Variants in ABTB2 observed in about 807,000 individuals in gnomAD.
ABTB2 encodes ankyrin repeat and BTB domain containing 2.
A neutral mutation model predicts 104.1 loss-of-function variants in ABTB2; 56 were observed. That is an observed-to-expected ratio of 0.54 (90% CI 0.43 to 0.67). ABTB2 has a LOEUF of 0.67. Ranked by LOEUF, ABTB2 falls within the 30% of genes least tolerant of loss-of-function variation. The probability of loss-of-function intolerance (pLI) is 0.00; values close to 1 mark genes in which losing one functional copy is unlikely to be tolerated. For synonymous variants in ABTB2, 606 were observed against 608.2 expected (o/e 1.00, Z 0.05); for missense variants, 1,279 against 1,407.7 (o/e 0.91, Z 1.46).
At chr11:34,292,051 A>G (rs915097693) in intron 1 of ABTB2, among the ~76,000 whole-genome samples, 22 of 152,204 alleles carry the variant, frequency 1.4e-4, no homozygotes, top group African/African-American at 5.3e-4. Context: ...ACCCTAGCCC[A>G]TATATTTTTG....
chr11:34,249,357 G>A (rs1345243568), intron 1 of ABTB2, among the ~76,000 whole-genome samples: 1 of 152,144 alleles, frequency 6.6e-6, no homozygotes, highest in African/African-American at 2.4e-5. Context: ...GGCAAGAAGT[G>A]GTGAAATAAT....
At chr11:34,155,036 G>A (rs547276962) in intron 14 of ABTB2, among the ~76,000 whole-genome samples, 25 of 152,306 alleles carry the variant, frequency 1.6e-4, no homozygotes, top group African/African-American at 5.1e-4. Flanking sequence ...ATGAGAACAC[G>A]GTGAGCCCAG....
Position 34,237,276 on chromosome 11 carries a change from C to CTTT in ABTB2, c.884-32589_884-32587dup, listed in dbSNP as rs561473313. ...TGTCCTCGTGATTTTCCTGGATATT[C>CTTT]TTTTTTTTTTTTTTTTTTTTTTTAG... On this transcript the variant is annotated intron_variant, in intron 1 of 16. Transcript: ENST00000435224. Among the ~76,000 whole-genome samples, 165 of 116,204 alleles carry CTTT rather than the reference C, an allele frequency of 1.4e-3. 2 individuals are homozygous for CTTT. The highest frequency in any genetic ancestry group is 4.9e-3 in the African/African-American group (144 of 29,418). 76.2% of individuals were successfully genotyped at this position (116,204 alleles called of 152,430 possible). A position where few individuals can be genotyped will look rare whatever the true frequency, so the allele number is the denominator to read the frequency against.
In ABTB2 at chr11:34,151,685, G is replaced by C. The variant is rs1233588981; in HGVS notation, c.*702C>G. The C allele has an allele frequency of 6.6e-6, 1 of 152,342 alleles. No homozygotes were observed. Among genetic ancestry groups the C allele is most frequent in the Admixed American group, 6.5e-5 (1 of 15,286 alleles). 9.4% of individuals were successfully genotyped at this position (152,342 alleles called of 1,614,324 possible). On this transcript the variant is annotated 3_prime_UTR_variant, in exon 17 of 17. Coordinates refer to ENST00000435224, the MANE Select transcript of ABTB2 (RefSeq NM_145804.3). ...CCAGACTTAGCTCAGAAACCATCAA[G>C]CTGGGGAACTGCCCTCTGCTGCTAA...
Position 34,204,451 on chromosome 11 carries a change from G to A in ABTB2, c.1030+93C>T, listed in dbSNP as rs1013478611. The A allele has an allele frequency of 9.9e-6, 14 of 1,407,720 alleles. No homozygotes were observed. In the African/African-American group the frequency reaches 2.0e-4, roughly 20 times the overall value. 87.2% of individuals were successfully genotyped at this position (1,407,720 alleles called of 1,614,324 possible). ...GGAGGAGGAGGAGGCCAGAGCACTT[G>A]GAGGAGGAGGAGGCGAGCTCTCCCT... On this transcript the variant is annotated intron_variant, in intron 2 of 16. Coordinates refer to ENST00000435224, the MANE Select transcript of ABTB2 (RefSeq NM_145804.3).
intron 1 of ABTB2, among the ~76,000 whole-genome samples, chr11:34,325,003 T>G (rs1855052399): frequency 6.6e-6 from 1 of 152,150 alleles, no homozygotes; most frequent in South Asian, 2.1e-4. Flanking sequence ...GTTGTTGAGG[T>G]TGCCTGGGCT....
chr11:34,204,672 G>T lies in ABTB2; in HGVS notation c.902C>A (p.Ala301Glu). Residue 301 changes from alanine (A) to glutamate (E), a missense_variant, in exon 2 of 17, where the codon GCA (alanine) becomes GAA (glutamate). Transcript: ENST00000435224. ...CCCGCCGTTGTAGGGGCTGAAGTAT[G>T]CGGGGAGGGAGAGGACACCTATGGG... ...KNANGVLSLPAYFSPYNGGSL... is the reference protein window; with the variant it reads ...KNANGVLSLPEYFSPYNGGSL... 1.2e-6 allele frequency: 2 copies of T among 1,613,700 alleles called. No homozygotes were observed. The highest frequency in any genetic ancestry group is 1.7e-6 in the Non-Finnish European group (2 of 1,179,850).
At chr11:34,350,225 G>A (rs1855381313) in intron 1 of ABTB2, among the ~76,000 whole-genome samples, 1 of 151,476 alleles carries the variant, frequency 6.6e-6, no homozygotes, top group South Asian at 2.1e-4. Flanking sequence ...GGACACCATG[G>A]GGGACTCGGA....
In ABTB2 at chr11:34,357,401, C is replaced by T. The variant is rs1471007122; in HGVS notation, c.183G>A (p.Met61Ile). 26 of 1,545,120 alleles carry T rather than the reference C, an allele frequency of 1.7e-5. No homozygotes were observed. The highest frequency in any genetic ancestry group is 2.2e-5 in the Non-Finnish European group (25 of 1,143,854). ...TGTCCCAGCTGTTGTGGCGGCTGTT[C>T]ATGGAGCCGGAGTAGCACCACCAGG... is the stretch of plus-strand genomic sequence containing the variant. ...GAAWWCYSGS[M>I]NSRHNSWDTV... Residue 61 changes from methionine to isoleucine, a missense_variant, in exon 1 of 17, where the codon ATG (methionine) becomes ATA (isoleucine). Transcript: ENST00000435224.
At chr11:34,155,135 C>T (rs942419964) in intron 14 of ABTB2, among the ~76,000 whole-genome samples, 3 of 152,246 alleles carry the variant, frequency 2.0e-5, no homozygotes, top group Non-Finnish European at 4.4e-5. Flanking sequence ...CTGATGCCTG[C>T]AGCAGGGCTC....
At chr11:34,218,189 A>T (rs1391886929) in intron 1 of ABTB2, among the ~76,000 whole-genome samples, 1 of 152,224 alleles carries the variant, frequency 6.6e-6, no homozygotes, top group Admixed American at 6.5e-5. Context: ...TTTAGGTAGC[A>T]ATCCTTTATC....
At chr11:34,317,227 T>C (rs954060181) in intron 1 of ABTB2, among the ~76,000 whole-genome samples, 1 of 152,264 alleles carries the variant, frequency 6.6e-6, no homozygotes, top group Non-Finnish European at 1.5e-5. Flanking sequence ...ATATGCCTGA[T>C]GAGCCTGGCT....
intron 1 of ABTB2, among the ~76,000 whole-genome samples, chr11:34,347,170 T>G (rs1412013533): frequency 1.3e-5 from 2 of 152,232 alleles, no homozygotes; most frequent in Non-Finnish European, 1.5e-5. Flanking sequence ...GCATGGTGGC[T>G]CATGCCTGTA....
At chr11:34,329,589 A>G (rs548886868) in intron 1 of ABTB2, among the ~76,000 whole-genome samples, 11 of 152,366 alleles carry the variant, frequency 7.2e-5, no homozygotes, top group African/African-American at 2.4e-4. Flanking sequence ...ACTCAAGTCC[A>G]GAATCTTTGA....
intron 3 of ABTB2, among the ~76,000 whole-genome samples, chr11:34,195,682 A>G (rs1276684632): frequency 1.3e-5 from 2 of 152,162 alleles, no homozygotes; most frequent in Non-Finnish European, 1.5e-5. Flanking sequence ...CCACTTACTC[A>G]TCTGTAAATG....
chr11:34,337,789 C>T (rs1018342493), intron 1 of ABTB2, among the ~76,000 whole-genome samples: 15 of 152,238 alleles, frequency 9.9e-5, no homozygotes, highest in Middle Eastern at 3.4e-3. Flanking sequence ...TTATCACCAC[C>T]GACTCATCAC....
intron 1 of ABTB2, among the ~76,000 whole-genome samples, chr11:34,293,484 A>G (rs1434105358): frequency 6.6e-6 from 1 of 152,204 alleles, no homozygotes; most frequent in African/African-American, 2.4e-5. Flanking sequence ...CTCAACCCTC[A>G]GGAGAAGGAA....
At chr11:34,313,828 C>G (rs2133106632) in intron 1 of ABTB2, among the ~76,000 whole-genome samples, 1 of 152,336 alleles carries the variant, frequency 6.6e-6, no homozygotes, top group Admixed American at 6.5e-5. Context: ...ACTATTATTA[C>G]TAGTATTTCT....
intron 1 of ABTB2, among the ~76,000 whole-genome samples, chr11:34,240,381 C>T (rs1853900047): frequency 6.6e-6 from 1 of 152,238 alleles, no homozygotes. Context: ...ACTGCACAAG[C>T]TATGGCTTCA....
Sources: gnomAD v4.1 joint callset for allele counts (sites outside exome capture counted in the v4.1 genomes callset) on GRCh38, gnomAD v4.1.1 for gene constraint, MANE v1.5 for transcripts, NCBI Gene and HGNC (gene_info 2026-07-23, HGNC 2026-07-21) for gene names.